Variants in DPH2 observed in about 807,000 individuals in gnomAD.
DPH2 encodes the protein 2-(3-amino-3-carboxypropyl)histidine synthase subunit 2.
A neutral mutation model predicts 42.5 loss-of-function variants in DPH2; 28 were observed. That is an observed-to-expected ratio of 0.66 (90% CI 0.49 to 0.90). The LOEUF (loss-of-function observed/expected upper bound fraction) is 0.90, where lower values mean the gene tolerates loss of function less well. Among genes scored for constraint, DPH2 ranks in the 40% least tolerant of loss-of-function variants. DPH2 has a pLI of 0.00. For missense variants in DPH2, 576 were observed against 636.0 expected, an observed-to-expected ratio of 0.91 and a Z score of 1.01; for synonymous variants, 279 against 264.4, an observed-to-expected ratio of 1.06 and a Z score of -0.53.
rs1028460984 is a variant in DPH2, at chr1:43,970,415, G to A, written c.147+93G>A. On this transcript the variant is annotated intron_variant, in intron 1 of 5. Coordinates refer to ENST00000255108, the MANE Select transcript of DPH2 (RefSeq NM_001384.5). ...TGGGGGATTTTGTGAGGGCGAGAGG[G>A]TGGGGGAATCAGTCTGTCCGCAGCG... is the stretch of plus-strand genomic sequence containing the variant. 4.2e-5 allele frequency: 65 copies of A among 1,561,496 alleles called. No homozygotes were observed. The Admixed American group carries it at 1.1e-3, about 27-fold the overall frequency.
chr1:43,972,206 A>G lies in DPH2; in HGVS notation c.1217A>G (p.Glu406Gly), dbSNP rs957320503. 9 of 1,614,146 alleles carry G rather than the reference A, an allele frequency of 5.6e-6. No individual in the cohort carries two copies. Among genetic ancestry groups the G allele is most frequent in the Non-Finnish European group, 7.6e-6 (9 of 1,180,028 alleles). The change falls in exon 5 of 6, where the codon GAA (glutamate) becomes GGA (glycine). Residue 406 changes from glutamate (E) to glycine (G), a missense_variant. This residue lies in a region of DPH2 where 178 missense variants were observed against 184.4 expected (regional missense o/e 0.97). Transcript: ENST00000255108. The part of the protein sequence containing the change: ...ALPPPESELW[E>G]TPDVSLITGD... ...CCACCACCTGAGTCAGAGCTGTGGG[A>G]AACCCCAGACGTGTCACTCATTACT...
Position 43,972,072 on chromosome 1 carries a change from T to C in DPH2, c.1168+2T>C, listed in dbSNP as rs1270432708. On this transcript the variant is annotated splice_donor_variant, in intron 4 of 5. Coordinates refer to ENST00000255108, the MANE Select transcript of DPH2 (RefSeq NM_001384.5). LOFTEE classifies it high-confidence loss of function. ...CACATTATGCGGACTTATTGCCTGG[T>C]GAGTAGTGGGGGCATTGCCTAAGCT... is the stretch of plus-strand genomic sequence containing the variant. The C allele has an allele frequency of 1.2e-6, 2 of 1,612,292 alleles. No individual in the cohort carries two copies. Among genetic ancestry groups the C allele is most frequent in the South Asian group, 1.1e-5 (1 of 91,008 alleles).
rs762256519 is a variant in DPH2, at chr1:43,972,502, G to A, written c.1433G>A (p.Gly478Glu). Residue 478 changes from glycine (G) to glutamate (E), a missense_variant, in exon 6 of 6, where the codon GGG becomes GAG. Around this residue, in one of 3 missense-constraint regions of DPH2, gnomAD observed 178 missense variants for 184.4 expected, o/e 0.97. Coordinates refer to ENST00000255108, the MANE Select transcript of DPH2 (RefSeq NM_001384.5). ...ACAGAAGCTGTGAGTGGAAGACGAG[G>A]GATTGCCATCGCCTATGAGGATGAG... ...PVTEAVSGRR[G>E]IAIAYEDEGS... 8.7e-6 allele frequency: 14 copies of A among 1,614,248 alleles called. No individual in the cohort carries two copies. Among genetic ancestry groups the A allele is most frequent in the Non-Finnish European group, 1.1e-5 (13 of 1,180,052 alleles).
rs908460094 is a variant in DPH2 at position 43,970,019 on chromosome 1, G to A, written c.-157G>A. ...CGTGTAGCGGAGAAACAGTAGTTAG[G>A]ATGGCTGAAGGGGATACTCACCGGC... On this transcript the variant is annotated 5_prime_UTR_variant, in exon 1 of 6. Coordinates refer to ENST00000255108, the MANE Select transcript of DPH2 (RefSeq NM_001384.5). 4 of 819,224 alleles carry A rather than the reference G, an allele frequency of 4.9e-6. No homozygotes were observed. The highest frequency in any genetic ancestry group is 7.4e-6 in the Non-Finnish European group (4 of 540,536). The allele number at this position is 819,224 out of a possible 1,614,324, so 50.7% of individuals were successfully genotyped here.
intron 1 of DPH2, 123 bp from the exon 2 acceptor site, chr1:43,970,473 G>A: frequency 6.6e-7 from 1 of 1,513,246 alleles, no homozygotes; most frequent in Non-Finnish European, 9.1e-7. Context: ...CCTACTACGT[G>A]GGGCAGAGTG....
rs770132421 is a variant in DPH2 at position 43,971,456 on chromosome 1, C to G, written c.554C>G (p.Pro185Arg). The G allele has an allele frequency of 4.3e-6, 7 of 1,613,386 alleles. No individual in the cohort carries two copies. In the Admixed American group the frequency reaches 1.0e-4, roughly 23 times the overall value. ...LLVSSPAFPQ[P>R]VGSLSPEPMP... Reference sequence around the variant, plus strand: ...GTCTCCAGCCCAGCTTTTCCCCAACCAGTGGGTTCCCTGAGTCCAGAGCCT... The same window carrying G: ...GTCTCCAGCCCAGCTTTTCCCCAACGAGTGGGTTCCCTGAGTCCAGAGCCT... Residue 185 changes from proline (P) to arginine (R), a missense_variant, in exon 4 of 6, where the codon CCA becomes CGA. By Grantham distance (103) the Pro-to-Arg change is moderately radical. Coordinates refer to ENST00000255108, the MANE Select transcript of DPH2 (RefSeq NM_001384.5).
At chr1:43,970,533 T>G in intron 1 of DPH2, 63 bp from the exon 2 acceptor site, 2 of 1,581,510 alleles carry the variant, frequency 1.3e-6, no homozygotes, top group South Asian at 2.2e-5. Flanking sequence ...TCCTGGAAGA[T>G]TGCTTTAAAG....
Position 43,972,039 on chromosome 1 carries a change from C to T in DPH2, c.1137C>T (p.Pro379=). 2 of 1,614,024 alleles carry T rather than the reference C, an allele frequency of 1.2e-6. No individual in the cohort carries two copies. The highest frequency in any genetic ancestry group is 2.2e-5 in the South Asian group (2 of 91,068). ...CCTGGCCACCTCCAGGCCTGGCTCC[C>T]CACCTCACACATTATGCGGACTTAT... is the stretch of plus-strand genomic sequence containing the variant. ...NPAWPPPGLA[P]HLTHYADLLP... Residue 379 remains proline (P), a synonymous_variant, in exon 4 of 6, where the codon CCC becomes CCT. Transcript: ENST00000255108.
Position 43,970,274 on chromosome 1 carries a change from C to T in DPH2, c.99C>T (p.Tyr33=). ...CTCTTCCGGACCTGGACGGAGTGTACGAGCTGGAGCGAGTCGCTGGATTTG... is the reference window on the plus strand; with the variant it reads ...CTCTTCCGGACCTGGACGGAGTGTATGAGCTGGAGCGAGTCGCTGGATTTG... ...LTPLPDLDGV[Y]ELERVAGFVR... The change falls in exon 1 of 6, where the codon TAC becomes TAT. Residue 33 remains tyrosine, a synonymous_variant. Coordinates refer to ENST00000255108, the MANE Select transcript of DPH2 (RefSeq NM_001384.5). 6.2e-7 allele frequency: 1 copy of T among 1,614,202 alleles called. No homozygotes were observed.
Position 43,971,860 on chromosome 1 carries a change from G to A in DPH2, c.958G>A (p.Gly320Arg). 1 of 1,614,058 alleles carries A rather than the reference G, an allele frequency of 6.2e-7. No individual in the cohort carries two copies. Among genetic ancestry groups the A allele is most frequent in the Non-Finnish European group, 8.5e-7 (1 of 1,180,030 alleles). ...AGKRSYVLAL[G>R]RPTPAKLANF... ...CAAGCGTAGCTATGTGTTGGCCCTG[G>A]GGCGGCCCACCCCTGCCAAGCTTGC... Residue 320 changes from glycine to arginine, a missense_variant, in exon 4 of 6, where the codon GGG (glycine) becomes AGG (arginine). Coordinates refer to ENST00000255108, the MANE Select transcript of DPH2 (RefSeq NM_001384.5).
In DPH2 at chr1:43,971,765, C is replaced by T. The variant is rs2085432712; in HGVS notation, c.863C>T (p.Ala288Val). 3 of 1,609,936 alleles carry T rather than the reference C, an allele frequency of 1.9e-6. No homozygotes were observed. Among genetic ancestry groups the T allele is most frequent in the East Asian group, 2.2e-5 (1 of 44,862 alleles). ...GATGCCCGCGTGGTAGGGCTGCTGG[C>T]AGGCACACTGGGTGTAGCCCAACAC... ...ARDARVVGLL[A>V]GTLGVAQHRE... The change falls in exon 4 of 6, where the codon GCA becomes GTA. Residue 288 changes from alanine to valine, a missense_variant. Around this residue, in one of 3 missense-constraint regions of DPH2, gnomAD observed 395 missense variants for 435.2 expected, o/e 0.91. Transcript: ENST00000255108.
chr1:43,971,620 G>C lies in DPH2; in HGVS notation c.718G>C (p.Gly240Arg), dbSNP rs146475490. 1 of 1,614,068 alleles carries C rather than the reference G, an allele frequency of 6.2e-7. No individual in the cohort carries two copies. The highest frequency in any genetic ancestry group is 1.7e-5 in the Admixed American group (1 of 60,030). ...LDPDLSRLLL[G>R]WAPGQPFSSC... ...CCCAGACCTGAGTCGGCTGCTCTTG[G>C]GGTGGGCACCAGGTCAACCCTTCTC... The change falls in exon 4 of 6, where the codon GGG becomes CGG. Residue 240 changes from glycine to arginine, a missense_variant. This residue lies in a region of DPH2 where 395 missense variants were observed against 435.2 expected (regional missense o/e 0.91). Transcript: ENST00000255108.
chr1:43,972,814 C>T lies in DPH2; in HGVS notation c.*275C>T, dbSNP rs972010226. 6.1e-5 allele frequency: 25 copies of T among 407,746 alleles called. No homozygotes were observed. Among genetic ancestry groups the T allele is most frequent in the Non-Finnish European group, 1.0e-4 (23 of 224,844 alleles). 25.3% of individuals were successfully genotyped at this position (407,746 alleles called of 1,614,324 possible). A position where few individuals can be genotyped will look rare whatever the true frequency, so the allele number is the denominator to read the frequency against. On this transcript the variant is annotated 3_prime_UTR_variant, in exon 6 of 6. Coordinates refer to ENST00000255108, the MANE Select transcript of DPH2 (RefSeq NM_001384.5). ...CTGGACCCATCTGTCTTCCTGAGGG[C>T]AGCCCAGGACCTTTGGCCAATCCCA...
At position 43,971,940 on chromosome 1, in the gene DPH2, A is replaced by C. The variant is rs752831557; in HGVS notation, c.1038A>C (p.Leu346=). Residue 346 remains leucine (L), a synonymous_variant, in exon 4 of 6, where the codon CTA becomes CTC. Coordinates refer to ENST00000255108, the MANE Select transcript of DPH2 (RefSeq NM_001384.5). Reference sequence around the variant, plus strand: ...TATTAGCCTGTCCTCTGGGTGCTCTAGCCCCCCAGCTTTCTGGTAGCTTCT... The same window carrying C: ...TATTAGCCTGTCCTCTGGGTGCTCTCGCCCCCCAGCTTTCTGGTAGCTTCT... ...FVLLACPLGA[L]APQLSGSFFQ... The C allele has an allele frequency of 6.2e-6, 10 of 1,614,172 alleles. No homozygotes were observed. Among genetic ancestry groups the C allele is most frequent in the South Asian group, 5.5e-5 (5 of 91,088 alleles).
Position 43,971,017 on chromosome 1 carries a change from A to C in DPH2, c.312A>C (p.Ile104=), listed in dbSNP as rs200252548. 15 of 1,586,178 alleles carry C rather than the reference A, an allele frequency of 9.5e-6. No homozygotes were observed. The East Asian group carries it at 3.2e-4, about 34-fold the overall frequency. Residue 104 remains isoleucine, a synonymous_variant, in exon 3 of 6, where the codon ATA becomes ATC. Coordinates refer to ENST00000255108, the MANE Select transcript of DPH2 (RefSeq NM_001384.5). ...AGCAAGCTGGAGCTCAGGCTCTCAT[A>C]CATTTTGGCCCTGCCTGCTTAAGCC... is the stretch of plus-strand genomic sequence containing the variant. ...GAEQAGAQAL[I]HFGPACLSPP... is the part of the protein sequence containing the mutation.
chr1:43,970,542 A>C, intron 1 of DPH2, 54 bp from the exon 2 acceptor site: 2 of 1,593,642 alleles, frequency 1.3e-6, no homozygotes, highest in East Asian at 4.5e-5. Flanking sequence ...ATTGCTTTAA[A>C]GAAGCCCTCA....
rs749980329 is a variant in DPH2 at position 43,972,535 on chromosome 1, G to C, written c.1466G>C (p.Gly489Ala). Residue 489 changes from glycine to alanine, a missense_variant, in exon 6 of 6, where the codon GGC becomes GCC. Gly to Ala is a moderately conservative substitution (Grantham distance 60, BLOSUM62 0). Transcript: ENST00000255108. ...IAIAYEDEGS[G>A] ...ATCGCCTATGAGGATGAGGGAAGCGGCTGATACCATGTGGGGCTGGAGACA... is the reference window on the plus strand; with the variant it reads ...ATCGCCTATGAGGATGAGGGAAGCGCCTGATACCATGTGGGGCTGGAGACA... 2.6e-5 allele frequency: 42 copies of C among 1,614,214 alleles called. No homozygotes were observed. Among genetic ancestry groups the C allele is most frequent in the Non-Finnish European group, 3.6e-5 (42 of 1,180,032 alleles).
Position 43,972,330 on chromosome 1 carries a change from T to A in DPH2, c.1341T>A (p.Pro447=), listed in dbSNP as rs1195186649. 2 of 1,613,886 alleles carry A rather than the reference T, an allele frequency of 1.2e-6. No individual in the cohort carries two copies. The part of the protein sequence containing the change: ...RPQLELAESS[P]AASFLSSRSW... ...AGCTGGAGCTGGCTGAGAGCAGTCCTGCAGGTAAATGTACAAGTCTCCACT... is the reference window on the plus strand; with the variant it reads ...AGCTGGAGCTGGCTGAGAGCAGTCCAGCAGGTAAATGTACAAGTCTCCACT... The change falls in exon 5 of 6, where the codon CCT becomes CCA. Residue 447 remains proline (P), a synonymous_variant. Coordinates refer to ENST00000255108, the MANE Select transcript of DPH2 (RefSeq NM_001384.5).
In DPH2 at chr1:43,970,321, G is replaced by C; in HGVS notation, c.146G>C (p.Arg49Pro). 1.9e-6 allele frequency: 3 copies of C among 1,613,906 alleles called. No individual in the cohort carries two copies. The highest frequency in any genetic ancestry group is 2.5e-6 in the Non-Finnish European group (3 of 1,179,896). ...TTTGTCCGCGACCTGGGGTGTGAACGAGTGAGGACAGACTTAGGGAAGGGT... is the reference window on the plus strand; with the variant it reads ...TTTGTCCGCGACCTGGGGTGTGAACCAGTGAGGACAGACTTAGGGAAGGGT... ...AGFVRDLGCE[R>P]VALQFPDQLL... The change falls in exon 1 of 6, where the codon CGA becomes CCA. Residue 49 changes from arginine to proline, a missense_variant and splice_region_variant. Around this residue, in one of 3 missense-constraint regions of DPH2, gnomAD observed 395 missense variants for 435.2 expected, o/e 0.91. Transcript: ENST00000255108.
Sources: gnomAD v4.1 joint callset for allele counts on GRCh38, gnomAD v4.1.1 for gene constraint, gnomAD v4.1.1 regional missense constraint, MANE v1.5 for transcripts, NCBI Gene and HGNC (gene_info 2026-07-23, HGNC 2026-07-21) for gene names.